The following PLD5 variants were observed in gnomAD, a reference collection of about 807,000 sequenced individuals.
The protein encoded by PLD5 is phospholipase D family member 5, also known as inactive phospholipase D5.
In PLD5, 36 loss-of-function variants were observed where a neutral mutation model predicts 61.1. The ratio of observed to expected loss-of-function variants is 0.59; its 90% CI spans 0.45 to 0.78. The LOEUF is 0.78. PLD5 is among the 30% of genes least tolerant of loss of function. The pLI, the probability that PLD5 is intolerant of heterozygous loss-of-function variation, is 0.00. For synonymous variants in PLD5, 243 were observed against 242.8 expected (o/e 1.00, Z -0.01); for missense variants, 515 against 644.4 (o/e 0.80, Z 2.17).
intron 1 of PLD5, among the ~76,000 whole-genome samples, chr1:242,360,255 T>A (rs1323489291): frequency 6.6e-6 from 1 of 152,150 alleles, no homozygotes; most frequent in African/African-American, 2.4e-5. Flanking sequence ...TACATGTTCA[T>A]CCATCAAATT....
In PLD5 at chr1:242,212,261, A is replaced by G. The variant is rs564367720; in HGVS notation, c.735+7727T>C. Among the ~76,000 whole-genome samples the G allele has an allele frequency of 5.3e-5, 8 of 152,364 alleles. No homozygotes were observed. In the South Asian group the frequency reaches 1.7e-3, roughly 32 times the overall value. ...AAAGGACAGGGGATATGCTACAGCG[A>G]AGAGACCCTGTCTTAAGCAAGCAGC... On this transcript the variant is annotated intron_variant, in intron 5 of 9. Transcript: ENST00000536534.
intron 1 of PLD5, among the ~76,000 whole-genome samples, chr1:242,447,984 T>C (rs1558575123): frequency 1.3e-5 from 2 of 152,198 alleles, no homozygotes; most frequent in Non-Finnish European, 2.9e-5. Context: ...GGCAAAACAT[T>C]CCGAAGCACT....
rs925142841 is a variant in PLD5 at position 242,085,528 on chromosome 1, T to C, written c.*4326A>G. The C allele has an allele frequency of 6.6e-6, 1 of 152,232 alleles. No individual in the cohort carries two copies. The highest frequency in any genetic ancestry group is 6.5e-5 in the Admixed American group (1 of 15,276). 9.4% of individuals were successfully genotyped at this position (152,232 alleles called of 1,614,324 possible). A position where few individuals can be genotyped will look rare whatever the true frequency, so the allele number is the denominator to read the frequency against. On this transcript the variant is annotated 3_prime_UTR_variant, in exon 10 of 10. Transcript: ENST00000536534. ...AAGGTGAAAATGGTAAGCAGCTATT[T>C]TGTTAACAACATATAAAAGGAAAAT...
chr1:242,429,066 T>C (rs369431997), intron 1 of PLD5, among the ~76,000 whole-genome samples: 1 of 152,206 alleles, frequency 6.6e-6, no homozygotes, highest in African/African-American at 2.4e-5. Context: ...GCCATGGTTC[T>C]GTGAACAGCG....
chr1:242,337,320 G>A (rs1288919368), intron 2 of PLD5, among the ~76,000 whole-genome samples: 1 of 152,216 alleles, frequency 6.6e-6, no homozygotes, highest in Non-Finnish European at 1.5e-5. Flanking sequence ...ATTGGCCTTT[G>A]AGAGTGTGGC....
intron 6 of PLD5, among the ~76,000 whole-genome samples, chr1:242,123,109 T>C (rs1477674798): frequency 6.6e-6 from 1 of 152,184 alleles, no homozygotes; most frequent in African/African-American, 2.4e-5. Context: ...TTAAGCATAC[T>C]TCGTAGCCAA....
upstream of PLD5, among the ~76,000 whole-genome samples, chr1:242,527,630 G>T (rs1226006415): frequency 6.6e-6 from 1 of 152,118 alleles, no homozygotes; most frequent in African/African-American, 2.4e-5. Flanking sequence ...AAATAAACCT[G>T]GGCGCAGACT....
intron 1 of PLD5, among the ~76,000 whole-genome samples, chr1:242,407,280 TG>T (rs1311022115): frequency 0.033 from 2,003 of 60,316 alleles, 16 homozygotes; most frequent in Middle Eastern, 0.065. Flanking sequence ...CACGTGGAAC[TG>T]TGAGTCCATT....
chr1:242,417,988 T>G (rs1664922318), intron 1 of PLD5, among the ~76,000 whole-genome samples: 1 of 152,128 alleles, frequency 6.6e-6, no homozygotes, highest in Non-Finnish European at 1.5e-5. Context: ...TAAAGGACAC[T>G]TAGGCTGCTG....
chr1:242,360,052 TCTCATAA>T (rs1164666498), intron 1 of PLD5, among the ~76,000 whole-genome samples: 1 of 152,154 alleles, frequency 6.6e-6, no homozygotes, highest in Non-Finnish European at 1.5e-5. Flanking sequence ...TCTAGCTCAG[TCTCATAA>T]CTCAAAATCG....
At chr1:242,322,154 G>A (rs1440553821) in intron 2 of PLD5, among the ~76,000 whole-genome samples, 12 of 152,256 alleles carry the variant, frequency 7.9e-5, no homozygotes, top group South Asian at 6.2e-4. Context: ...AGGCAGAGCC[G>A]GGGCTTCACA....
intron 1 of PLD5, among the ~76,000 whole-genome samples, chr1:242,456,898 TA>T (rs1666960871): frequency 6.6e-6 from 1 of 152,176 alleles, no homozygotes; most frequent in Non-Finnish European, 1.5e-5. Flanking sequence ...CACTATTTCC[TA>T]ATTCCTTCCA....
At chr1:242,214,442 AT>A (rs1441984814) in intron 5 of PLD5, among the ~76,000 whole-genome samples, 1 of 152,066 alleles carries the variant, frequency 6.6e-6, no homozygotes, top group Non-Finnish European at 1.5e-5. Flanking sequence ...AACTTCAGCA[AT>A]TGCTAGATCA....
At chr1:242,285,033 ACT>A (rs1159970996) in intron 3 of PLD5, among the ~76,000 whole-genome samples, 1 of 152,146 alleles carries the variant, frequency 6.6e-6, no homozygotes, top group Non-Finnish European at 1.5e-5. Context: ...GAGCAGTATG[ACT>A]CTACCAGAAG....
At chr1:242,221,810 G>A (rs967946029) in intron 4 of PLD5, among the ~76,000 whole-genome samples, 6 of 152,156 alleles carry the variant, frequency 3.9e-5, no homozygotes, top group African/African-American at 1.4e-4. Flanking sequence ...ATGGAGGTGT[G>A]GCCGGCCCCA....
At chr1:242,380,794 A>C (rs1038451184) in intron 1 of PLD5, among the ~76,000 whole-genome samples, 7 of 152,222 alleles carry the variant, frequency 4.6e-5, no homozygotes, top group African/African-American at 1.7e-4. Context: ...CAAATATGAA[A>C]ATAAGCTCAA....
intron 1 of PLD5, among the ~76,000 whole-genome samples, chr1:242,496,756 C>A (rs1487124728): frequency 6.6e-6 from 1 of 152,114 alleles, no homozygotes; most frequent in Non-Finnish European, 1.5e-5. Context: ...TCTAAGTGTC[C>A]CCTAATATCT....
At chr1:242,409,166 C>A (rs1002211067) in intron 1 of PLD5, among the ~76,000 whole-genome samples, 2 of 152,176 alleles carry the variant, frequency 1.3e-5, no homozygotes, top group African/African-American at 2.4e-5. Flanking sequence ...CTAGACCCAA[C>A]TTTGTCATGA....
chr1:242,513,423 G>A (rs1237338831), intron 1 of PLD5, among the ~76,000 whole-genome samples: 1 of 123,654 alleles, frequency 8.1e-6, no homozygotes, highest in African/African-American at 3.6e-5. Flanking sequence ...TCCATTGAGG[G>A]CAGAGATAGA....
Sources: allele counts gnomAD v4.1 joint callset (sites outside exome capture counted in the v4.1 genomes callset), GRCh38; gene constraint gnomAD v4.1.1; transcripts MANE v1.5; gene names NCBI Gene and HGNC (gene_info 2026-07-23, HGNC 2026-07-21).